Variants in ISLR observed in about 807,000 individuals in gnomAD.
The protein encoded by ISLR is immunoglobulin superfamily containing leucine-rich repeat protein.
In ISLR, 9 loss-of-function variants were observed where a neutral mutation model predicts 11.0. That is an observed-to-expected ratio of 0.82 (90% CI 0.49 to 1.43). The LOEUF (loss-of-function observed/expected upper bound fraction) is 1.43. Ranked by LOEUF, ISLR falls within the 40% of genes most tolerant of loss-of-function variation. ISLR has a pLI of 0.00. For missense variants in ISLR, 510 were observed against 576.4 expected, an observed-to-expected ratio of 0.88 and a Z score of 1.18; for synonymous variants, 262 against 264.1, an observed-to-expected ratio of 0.99 and a Z score of 0.08.
At position 74,174,910 on chromosome 15, in the gene ISLR, G is replaced by A. The variant is rs1439814826; in HGVS notation, c.52G>A (p.Ala18Thr). 1 of 1,579,338 alleles carries A rather than the reference G, an allele frequency of 6.3e-7. No individual in the cohort carries two copies. The highest frequency in any genetic ancestry group is 1.9e-5 in the Admixed American group (1 of 53,976). The change falls in exon 2 of 2, where the codon GCC becomes ACC. Residue 18 changes from alanine (A) to threonine (T), a missense_variant. Physicochemically the swap from Ala to Thr is moderately conservative, Grantham distance 58. Transcript: ENST00000249842. ...WWALLLGLAQ[A>T]CPEPCDCGEK... The stretch of plus-strand genomic sequence containing the variant: ...GGCGCTTCTCCTGGGCCTGGCTCAG[G>A]CCTGCCCTGAGCCCTGCGACTGTGG...
chr15:74,174,823 C>G (rs781318801), intron 1 of ISLR, 28 bp from the exon 2 acceptor site: 29 of 1,489,706 alleles, frequency 1.9e-5, no homozygotes, highest in Non-Finnish European at 2.4e-5. Context: ...TTCTCGGGAT[C>G]CCCTGGGTGA....
In ISLR at chr15:74,176,134, A is replaced by G; in HGVS notation, c.1276A>G (p.Thr426Ala). The G allele has an allele frequency of 6.5e-7, 1 of 1,548,908 alleles. No individual in the cohort carries two copies. The highest frequency in any genetic ancestry group is 8.7e-7 in the Non-Finnish European group (1 of 1,147,722). The change falls in exon 2 of 2, where the codon ACC becomes GCC. Residue 426 changes from threonine to alanine, a missense_variant. Thr to Ala is a moderately conservative substitution (Grantham distance 58). Transcript: ENST00000249842. ...GQSLLLFFFL[T>A]SF ...AAGCCTCCTCCTCTTCTTCTTCCTC[A>G]CCTCCTTCTAGCCCCACCCAGGGCT...
At position 74,175,262 on chromosome 15, in the gene ISLR, C is replaced by A; in HGVS notation, c.404C>A (p.Thr135Asn). 6.2e-7 allele frequency: 1 copy of A among 1,613,088 alleles called. No homozygotes were observed. The highest frequency in any genetic ancestry group is 8.5e-7 in the Non-Finnish European group (1 of 1,180,032). The change falls in exon 2 of 2, where the codon ACC (threonine) becomes AAC (asparagine). Residue 135 changes from threonine (T) to asparagine (N), a missense_variant. Coordinates refer to ENST00000249842, the MANE Select transcript of ISLR (RefSeq NM_005545.4). This position sits in a 1 kb window ranked among gnomAD's most constrained non-coding sequence, Gnocchi z 4.7. ...CTCAAGATGGACAGCAACGAGCTGACCTTCATCCCCCGCGACGCCTTCCGC... is the reference window on the plus strand; with the variant it reads ...CTCAAGATGGACAGCAACGAGCTGAACTTCATCCCCCGCGACGCCTTCCGC... ...QLLKMDSNEL[T>N]FIPRDAFRSL... is the part of the protein sequence containing the mutation.
intron 1 of ISLR, 145 bp from the exon 2 acceptor site, chr15:74,174,706 C>T (rs371745318): frequency 1.6e-5 from 9 of 574,776 alleles, no homozygotes; most frequent in African/African-American, 1.1e-4. Flanking sequence ...AGGATGGGGG[C>T]GGTGGGCTAG....
Position 74,175,962 on chromosome 15 carries a change from C to T in ISLR, c.1104C>T (p.Gly368=). 8 of 1,611,364 alleles carry T rather than the reference C, an allele frequency of 5.0e-6. No homozygotes were observed. The Middle Eastern group carries it at 1.3e-3, about 266-fold the overall frequency. ...RFHGKAVEGK[G]CYTVDNEVQP... The stretch of plus-strand genomic sequence containing the variant: ...ATGGCAAAGCGGTTGAGGGAAAGGG[C>T]TGCTATACGGTTGACAACGAGGTGC... The change falls in exon 2 of 2, where the codon GGC becomes GGT. Residue 368 remains glycine, a synonymous_variant. Transcript: ENST00000249842. The surrounding 1 kb of genome is among the most constrained non-coding windows in gnomAD (Gnocchi z 4.7).
Position 74,175,466 on chromosome 15 carries a change from C to T in ISLR, c.608C>T (p.Pro203Leu), listed in dbSNP as rs758487301. The T allele has an allele frequency of 1.2e-5, 20 of 1,610,854 alleles. No individual in the cohort carries two copies. The highest frequency in any genetic ancestry group is 1.1e-4 in the South Asian group (10 of 91,078). The change falls in exon 2 of 2, where the codon CCG becomes CTG. Residue 203 changes from proline to leucine, a missense_variant. Physicochemically the swap from Pro to Leu is moderately conservative, Grantham distance 98. Transcript: ENST00000249842. The surrounding 1 kb of genome is among the most constrained non-coding windows in gnomAD (Gnocchi z 4.7). ...TWALTTAVSI[P>L]EQDNIACTSP... is the part of the protein sequence containing the mutation. ...GCCCTGACCACGGCCGTGTCCATCC[C>T]GGAGCAGGACAACATCGCCTGCACC...
At chr15:74,174,651 CG>C in intron 1 of ISLR, 199 bp from the exon 2 acceptor site, 1 of 489,142 alleles carries the variant, frequency 2.0e-6, no homozygotes, top group Non-Finnish European at 3.6e-6. Flanking sequence ...TGCGTGACCT[CG>C]GGCAAGTCTC....
At position 74,173,743 on chromosome 15, in the gene ISLR, G is replaced by C. The variant is rs2072761866; in HGVS notation, c.-285G>C. On this transcript the variant is annotated 5_prime_UTR_variant, in exon 1 of 2. Transcript: ENST00000249842. ...TGAAACACAGGTCCTTGTTGCTGCA[G>C]AGAAGCAGTTGTTTTGCTGGAAGGA... is the stretch of plus-strand genomic sequence containing the variant. 1 of 154,432 alleles carries C rather than the reference G, an allele frequency of 6.5e-6. No individual in the cohort carries two copies. 9.6% of individuals were successfully genotyped at this position (154,432 alleles called of 1,614,324 possible). A position where few individuals can be genotyped will look rare whatever the true frequency, so the allele number is the denominator to read the frequency against.
chr15:74,174,953 A>G lies in ISLR; in HGVS notation c.95A>G (p.Gln32Arg). Residue 32 changes from glutamine to arginine, a missense_variant, in exon 2 of 2, where the codon CAG becomes CGG. Coordinates refer to ENST00000249842, the MANE Select transcript of ISLR (RefSeq NM_005545.4). Reference protein sequence around the residue: ...PCDCGEKYGFQIADCAYRDLE... With the variant: ...PCDCGEKYGFRIADCAYRDLE... ...GACTGTGGGGAAAAGTATGGCTTCC[A>G]GATCGCCGACTGTGCCTACCGCGAC... 2 of 1,611,710 alleles carry G rather than the reference A, an allele frequency of 1.2e-6. No individual in the cohort carries two copies. Among genetic ancestry groups the G allele is most frequent in the Non-Finnish European group, 1.7e-6 (2 of 1,179,098 alleles).
rs748843650 is a variant in ISLR, at chr15:74,175,946, C to T, written c.1088C>T (p.Ala363Val). ...CTGGGGCGCAGGTTCCATGGCAAAG[C>T]GGTTGAGGGAAAGGGCTGCTATACG... is the stretch of plus-strand genomic sequence containing the variant. ...DTLGRRFHGK[A>V]VEGKGCYTVD... is the part of the protein sequence containing the mutation. Residue 363 changes from alanine (A) to valine (V), a missense_variant, in exon 2 of 2, where the codon GCG becomes GTG. Ala to Val is a moderately conservative substitution (Grantham distance 64). Transcript: ENST00000249842. This position sits in a 1 kb window ranked among gnomAD's most constrained non-coding sequence, Gnocchi z 4.7. 8.7e-6 allele frequency: 14 copies of T among 1,610,108 alleles called. No homozygotes were observed. The highest frequency in any genetic ancestry group is 5.0e-5 in the Admixed American group (3 of 59,794).
intron 1 of ISLR, 46 bp from the exon 2 acceptor site, chr15:74,174,805 T>C: frequency 7.0e-7 from 1 of 1,431,060 alleles, no homozygotes; most frequent in Non-Finnish European, 9.3e-7. Flanking sequence ...ATGAGTCCCT[T>C]TGGCAGGTTC....
intron 1 of ISLR, 188 bp from the exon 2 acceptor site, chr15:74,174,663 C>G (rs988919890): frequency 1.9e-6 from 1 of 512,846 alleles, no homozygotes; most frequent in Non-Finnish European, 3.4e-6. Flanking sequence ...GGCAAGTCTC[C>G]GCCCTTCTCT....
intron 1 of ISLR, chr15:74,174,285 C>G (rs1595813900): frequency 3.3e-5 from 5 of 152,458 alleles, no homozygotes; most frequent in African/African-American, 9.6e-5. Flanking sequence ...AGCTGCCTGG[C>G]TAAGTTTGAA....
Position 74,175,611 on chromosome 15 carries a change from T to G in ISLR, c.753T>G (p.Phe251Leu), listed in dbSNP as rs985349696. The G allele has an allele frequency of 1.2e-6, 2 of 1,613,876 alleles. No homozygotes were observed. Among genetic ancestry groups the G allele is most frequent in the African/African-American group, 2.7e-5 (2 of 74,944 alleles). ...ATGGTGCCGAGCTGCGGCCTGGTTT[T>G]GTGCTGGCACTGCACTGTGATGTGG... ...SQDGAELRPG[F>L]VLALHCDVDG... is the part of the protein sequence containing the mutation. Residue 251 changes from phenylalanine to leucine, a missense_variant, in exon 2 of 2, where the codon TTT becomes TTG. Transcript: ENST00000249842. This position sits in a 1 kb window ranked among gnomAD's most constrained non-coding sequence, Gnocchi z 4.7.
Position 74,175,304 on chromosome 15 carries a change from G to C in ISLR, c.446G>C (p.Arg149Pro). ...RDAFRSLRAL[R>P]SLQLNHNRLH... Reference sequence around the variant, plus strand: ...GCCTTCCGCAGCCTCCGTGCTCTGCGCTCGCTGCAACTCAACCACAACCGC... The same window carrying C: ...GCCTTCCGCAGCCTCCGTGCTCTGCCCTCGCTGCAACTCAACCACAACCGC... The change falls in exon 2 of 2, where the codon CGC (arginine) becomes CCC (proline). Residue 149 changes from arginine to proline, a missense_variant. Physicochemically the swap from Arg to Pro is moderately radical, Grantham distance 103 (BLOSUM62 -2). Coordinates refer to ENST00000249842, the MANE Select transcript of ISLR (RefSeq NM_005545.4). The surrounding 1 kb of genome is among the most constrained non-coding windows in gnomAD (Gnocchi z 4.7). 6.2e-7 allele frequency: 1 copy of C among 1,611,418 alleles called. No homozygotes were observed. Among genetic ancestry groups the C allele is most frequent in the South Asian group, 1.1e-5 (1 of 91,070 alleles).
rs777902910 is a variant in ISLR, at chr15:74,176,059, G to A, written c.1201G>A (p.Ala401Thr). ...TGCTGGGAACCCTGAGGCTGCAGTC[G>A]CAGAAGGGGTCCCTGGGCAGCTGCC... ...SRAGNPEAAV[A>T]EGVPGQLPPG... Residue 401 changes from alanine to threonine, a missense_variant, in exon 2 of 2, where the codon GCA (alanine) becomes ACA (threonine). Ala to Thr is a moderately conservative substitution (Grantham distance 58). Coordinates refer to ENST00000249842, the MANE Select transcript of ISLR (RefSeq NM_005545.4). 6.8e-6 allele frequency: 11 copies of A among 1,610,680 alleles called. No homozygotes were observed. The highest frequency in any genetic ancestry group is 6.7e-5 in the East Asian group (3 of 44,832).
In ISLR at chr15:74,175,033, G is replaced by A; in HGVS notation, c.175G>A (p.Ala59Thr). 1.9e-6 allele frequency: 3 copies of A among 1,611,206 alleles called. No homozygotes were observed. The highest frequency in any genetic ancestry group is 2.5e-6 in the Non-Finnish European group (3 of 1,178,920). The change falls in exon 2 of 2, where the codon GCC (alanine) becomes ACC (threonine). Residue 59 changes from alanine (A) to threonine (T), a missense_variant. By Grantham distance (58) the Ala-to-Thr change is moderately conservative (BLOSUM62 0). Transcript: ENST00000249842. The surrounding 1 kb of genome is among the most constrained non-coding windows in gnomAD (Gnocchi z 4.7). The part of the protein sequence containing the change: ...PANVTTLSLS[A>T]NRLPGLPEGA... ...CAATGTGACTACACTGAGCCTGTCA[G>A]CCAACCGGCTGCCAGGCTTGCCGGA...
intron 1 of ISLR, chr15:74,174,264 T>C (rs905099677): frequency 6.6e-6 from 1 of 151,782 alleles, no homozygotes; most frequent in South Asian, 2.1e-4. Context: ...CTGGCGGGGG[T>C]TTATTTAGGC....
chr15:74,174,996 T>G lies in ISLR; in HGVS notation c.138T>G (p.Pro46=). ...ACCGCGACCTAGAATCCGTGCCGCCTGGCTTCCCGGCCAATGTGACTACAC... is the reference window on the plus strand; with the variant it reads ...ACCGCGACCTAGAATCCGTGCCGCCGGGCTTCCCGGCCAATGTGACTACAC... The part of the protein sequence containing the change: ...CAYRDLESVP[P]GFPANVTTLS... The change falls in exon 2 of 2, where the codon CCT becomes CCG. Residue 46 remains proline (P), a synonymous_variant. Transcript: ENST00000249842. The G allele has an allele frequency of 6.2e-7, 1 of 1,612,788 alleles. No individual in the cohort carries two copies. The highest frequency in any genetic ancestry group is 1.1e-5 in the South Asian group (1 of 90,906).
Sources: allele counts gnomAD v4.1 joint callset, GRCh38; gene constraint gnomAD v4.1.1; non-coding constraint Gnocchi (gnomAD v3.1); transcripts MANE v1.5; gene names NCBI Gene and HGNC (gene_info 2026-07-23, HGNC 2026-07-21).